Variants in MACF1 observed in about 807,000 individuals in gnomAD.
The protein encoded by MACF1 is microtubule actin crosslinking factor 1.
A neutral mutation model predicts 854.8 loss-of-function variants in MACF1; 193 were observed. The observed-to-expected ratio is 0.23, with a 90% confidence interval of 0.20 to 0.25. The LOEUF is 0.25. Ranked by LOEUF, MACF1 falls within the 10% of genes least tolerant of loss-of-function variation. MACF1 has a pLI of 1.00. For missense variants in MACF1, 7,722 were observed against 8,929.1 expected (o/e 0.86, Z 5.45); for synonymous variants, 3,185 against 3,226.7 (o/e 0.99, Z 0.44).
intron 15 of MACF1, among the ~76,000 whole-genome samples, chr1:39,290,015 T>C (rs1645743871): frequency 6.6e-6 from 1 of 152,142 alleles, no homozygotes; most frequent in South Asian, 2.1e-4. Context: ...CTTTCCTTTG[T>C]TGATTCACTG....
In MACF1 at chr1:39,331,784, A is replaced by G. The variant is rs764288539; in HGVS notation, c.5196A>G (p.Gln1732=). The G allele has an allele frequency of 5.0e-6, 8 of 1,614,030 alleles. No individual in the cohort carries two copies. The Admixed American group carries it at 5.0e-5, about 10-fold the overall frequency. ...ESGFKLLPVK[Q]LAGGMVSLKS... The stretch of plus-strand genomic sequence containing the variant: ...GATTCAAATTACTGCCTGTCAAACA[A>G]TTGGCAGGGGGGATGGTGAGCTTGA... Residue 1732 remains glutamine, a synonymous_variant, in exon 37 of 101, where the codon CAA becomes CAG. Transcript: ENST00000564288.
chr1:39,361,444 A>C lies in MACF1; in HGVS notation c.12538A>C (p.Ser4180Arg). Residue 4180 changes from serine (S) to arginine (R), a missense_variant, in exon 49 of 101, where the codon AGT becomes CGT. Around this residue, in one of 15 missense-constraint regions of MACF1, gnomAD observed 2,807 missense variants for 3,235.8 expected, o/e 0.87. Transcript: ENST00000564288. ...GACCCGATTCATGGAGACAGCAGAC[A>C]GTACTACAGCAGCAGTGCTGCAGGG... ...MVTRFMETAD[S>R]TTAAVLQGKL... is the part of the protein sequence containing the mutation. The C allele has an allele frequency of 1.2e-6, 2 of 1,614,206 alleles. No homozygotes were observed. Among genetic ancestry groups the C allele is most frequent in the Non-Finnish European group, 1.7e-6 (2 of 1,180,044 alleles).
In MACF1 at chr1:39,319,656, C is replaced by T; in HGVS notation, c.3946-8C>T. 1 of 1,605,686 alleles carries T rather than the reference C, an allele frequency of 6.2e-7. No homozygotes were observed. The highest frequency in any genetic ancestry group is 8.5e-7 in the Non-Finnish European group (1 of 1,174,002). On this transcript the variant is annotated splice_polypyrimidine_tract_variant and splice_region_variant and intron_variant, in intron 30 of 100. Coordinates refer to ENST00000564288, the MANE Select transcript of MACF1 (RefSeq NM_001394062.1). ...GCAATGATAATGTTGTGATATTTTG[C>T]TTCCTAGGCCCTATTTGCAGAAATT... is the stretch of plus-strand genomic sequence containing the variant.
Position 39,230,685 on chromosome 1 carries a change from A to G in MACF1, c.110-497A>G, listed in dbSNP as rs527970563. Among the ~76,000 whole-genome samples, 300 of 151,884 alleles carry G rather than the reference A, an allele frequency of 2.0e-3. 2 individuals carry two copies. The highest frequency in any genetic ancestry group is 7.0e-3 in the African/African-American group (290 of 41,392). On this transcript the variant is annotated intron_variant, in intron 1 of 100. Transcript: ENST00000564288. ...TGGGGGTAAGCTGGGCAGCTTTGAG[A>G]GTTTGATTGTTTTGATAATGGCTGG...
intron 2 of MACF1, among the ~76,000 whole-genome samples, chr1:39,152,453 A>G (rs574916924): frequency 2.7e-4 from 41 of 152,170 alleles, no homozygotes; most frequent in Non-Finnish European, 4.7e-4. Context: ...TTTCAAGCAT[A>G]TAGACAAGTA....
intron 2 of MACF1, among the ~76,000 whole-genome samples, chr1:39,137,155 C>A (rs1643196917): frequency 6.6e-6 from 1 of 152,156 alleles, no homozygotes; most frequent in South Asian, 2.1e-4. Flanking sequence ...CTGCAACCAC[C>A]ACCTCCCAGG....
upstream of MACF1, among the ~76,000 whole-genome samples, chr1:39,202,068 A>G (rs2484135): frequency 0.95 from 139,710 of 147,236 alleles, 66,349 homozygotes; most frequent in East Asian, 1. Flanking sequence ...CCGGGTTCAA[A>G]CCATTCTCCT....
intron 6 of MACF1, 148 bp downstream of exon 6, chr1:39,258,176 T>C: frequency 1.4e-6 from 1 of 715,698 alleles, no homozygotes; most frequent in Non-Finnish European, 2.5e-6. Context: ...AAAATTAAGA[T>C]TGATCTGCAG....
Position 39,451,199 on chromosome 1 carries a change from G to A in MACF1, c.20406G>A (p.Met6802Ile), listed in dbSNP as rs761021831. The A allele has an allele frequency of 1.2e-6, 2 of 1,613,922 alleles. No individual in the cohort carries two copies. Among genetic ancestry groups the A allele is most frequent in the Non-Finnish European group, 1.7e-6 (2 of 1,179,882 alleles). The change falls in exon 85 of 101, where the codon ATG becomes ATA. Residue 6802 changes from methionine to isoleucine, a missense_variant. Met to Ile is a conservative substitution (Grantham distance 10). Around this residue, in one of 15 missense-constraint regions of MACF1, gnomAD observed 729 missense variants for 900.5 expected, o/e 0.81. Coordinates refer to ENST00000564288, the MANE Select transcript of MACF1 (RefSeq NM_001394062.1). ...HGDLDLVMNL[M>I]DAHKVFQKEL... Reference sequence around the variant, plus strand: ...ACCTTGACCTCGTCATGAACCTCATGGATGCACACAAGGTAGGGGTGAGGT... The same window carrying A: ...ACCTTGACCTCGTCATGAACCTCATAGATGCACACAAGGTAGGGGTGAGGT...
At chr1:39,257,808 T>TA (rs1645114155) in intron 5 of MACF1, 128 bp from the exon 6 acceptor site, 1 of 683,930 alleles carries the variant, frequency 1.5e-6, no homozygotes, top group African/African-American at 1.8e-5. Flanking sequence ...ATACATGTGT[T>TA]AAAACTCATA....
At position 39,350,843 on chromosome 1, in the gene MACF1, T is replaced by C. The variant is rs1285431525; in HGVS notation, c.11024T>C (p.Ile3675Thr). ...TCATTTGCCACTGTTGTCAAGGACATTGAGGGGTTCATGGAAGAGAATCAG... is the reference window on the plus strand; with the variant it reads ...TCATTTGCCACTGTTGTCAAGGACACTGAGGGGTTCATGGAAGAGAATCAG... ...ATSFATVVKD[I>T]EGFMEENQTK... Residue 3675 changes from isoleucine to threonine, a missense_variant, in exon 43 of 101, where the codon ATT (isoleucine) becomes ACT (threonine). Transcript: ENST00000564288. 1.2e-6 allele frequency: 2 copies of C among 1,613,994 alleles called. No individual in the cohort carries two copies. The highest frequency in any genetic ancestry group is 1.1e-5 in the South Asian group (1 of 91,072).
chr1:39,448,394 A>G (rs1009076922), intron 83 of MACF1, among the ~76,000 whole-genome samples, 200 bp from the exon 84 acceptor site: 3 of 152,202 alleles, frequency 2.0e-5, no homozygotes, highest in African/African-American at 4.8e-5. Flanking sequence ...GGCTTTCACA[A>G]ATTGTCAGGC....
rs1646476841 is a variant in MACF1 at position 39,319,695 on chromosome 1, C to G, written c.3977C>G (p.Thr1326Arg). 1.9e-6 allele frequency: 3 copies of G among 1,613,514 alleles called. No individual in the cohort carries two copies. In the Admixed American group the frequency reaches 5.0e-5, roughly 27 times the overall value. The change falls in exon 31 of 101, where the codon ACA (threonine) becomes AGA (arginine). Residue 1326 changes from threonine to arginine, a missense_variant. Around this residue, in one of 15 missense-constraint regions of MACF1, gnomAD observed 1,137 missense variants for 1,263.0 expected, o/e 0.90. Transcript: ENST00000564288. ...TTTGCAGAAATTGAGAGAAATCAGA[C>G]AAAACTGGATCAATGTCAAAAATTT... ...ALFAEIERNQ[T>R]KLDQCQKFSQ...
At position 39,432,604 on chromosome 1, in the gene MACF1, C is replaced by T. The variant is rs1643893871; in HGVS notation, c.17407C>T (p.Pro5803Ser). Reference protein sequence around the residue: ...ETKRKLMALGPIRLEQDQTTA... With the variant: ...ETKRKLMALGSIRLEQDQTTA... Reference sequence around the variant, plus strand: ...AAAACGGAAACTGATGGCTCTGGGTCCAATTCGCCTGGAACAGGACCAGAC... The same window carrying T: ...AAAACGGAAACTGATGGCTCTGGGTTCAATTCGCCTGGAACAGGACCAGAC... The change falls in exon 67 of 101, where the codon CCA (proline) becomes TCA (serine). Residue 5803 changes from proline (P) to serine (S), a missense_variant. Coordinates refer to ENST00000564288, the MANE Select transcript of MACF1 (RefSeq NM_001394062.1). 1.2e-6 allele frequency: 2 copies of T among 1,614,006 alleles called. No homozygotes were observed. The highest frequency in any genetic ancestry group is 4.5e-5 in the East Asian group (2 of 44,876).
Position 39,385,414 on chromosome 1 carries a change from T to C in MACF1, c.13849-20T>C, listed in dbSNP as rs1305114023. ...CTGTTTTTTTCCTGTCTAAACATCT[T>C]GGTGTCATTTCTATTTCAGTTTATG... is the stretch of plus-strand genomic sequence containing the variant. On this transcript the variant is annotated intron_variant, in intron 56 of 100. Coordinates refer to ENST00000564288, the MANE Select transcript of MACF1 (RefSeq NM_001394062.1). 1 of 1,609,982 alleles carries C rather than the reference T, an allele frequency of 6.2e-7. No individual in the cohort carries two copies. Among genetic ancestry groups the C allele is most frequent in the Non-Finnish European group, 8.5e-7 (1 of 1,177,284 alleles).
rs767443900 is a variant in MACF1, at chr1:39,333,523, T to C, written c.6935T>C (p.Ile2312Thr). Residue 2312 changes from isoleucine to threonine, a missense_variant, in exon 37 of 101, where the codon ATA (isoleucine) becomes ACA (threonine). Transcript: ENST00000564288. ...TGQKLLLNEA[I>T]SRGIVPSHTA... Reference sequence around the variant, plus strand: ...CAAAAGCTCTTACTAAATGAAGCAATATCCCGAGGCATTGTGCCAAGTCAC... The same window carrying C: ...CAAAAGCTCTTACTAAATGAAGCAACATCCCGAGGCATTGTGCCAAGTCAC... The C allele has an allele frequency of 2.5e-6, 4 of 1,614,202 alleles. No homozygotes were observed. The South Asian group carries it at 4.4e-5, about 18-fold the overall frequency.
At chr1:39,209,270 G>C (rs1461882779) in intron 1 of MACF1, among the ~76,000 whole-genome samples, 2 of 151,974 alleles carry the variant, frequency 1.3e-5, no homozygotes, top group Non-Finnish European at 2.9e-5. Flanking sequence ...ATTAAAGATG[G>C]CACTAGCTGT....
chr1:39,483,780 TTAAG>T (rs1352755134), intron 99 of MACF1, among the ~76,000 whole-genome samples: 1 of 152,214 alleles, frequency 6.6e-6, no homozygotes, highest in African/African-American at 2.4e-5. Flanking sequence ...GATCCACAAG[TTAAG>T]TAATTTTATC....
At chr1:39,368,112 T>TA (rs762397072) in intron 49 of MACF1, 36 bp from the exon 50 acceptor site, 1 of 1,589,384 alleles carries the variant, frequency 6.3e-7, no homozygotes, top group Non-Finnish European at 8.6e-7. Flanking sequence ...TTATAAGGAT[T>TA]AGAGGATTTA....
Sources: allele counts gnomAD v4.1 joint callset (sites outside exome capture counted in the v4.1 genomes callset), GRCh38; gene constraint gnomAD v4.1.1; regional missense constraint gnomAD v4.1.1; transcripts MANE v1.5; gene names NCBI Gene and HGNC (gene_info 2026-07-23, HGNC 2026-07-21).